Variants in SAMTOR observed in about 807,000 individuals in gnomAD.
The protein encoded by SAMTOR is UPF0532 protein C7orf60.
At chr7:112,844,275 A>G in the SAMTOR span, among the ~76,000 whole-genome samples, 1 of 152,120 alleles carries the variant, frequency 6.6e-6, no homozygotes, top group South Asian at 2.1e-4. Flanking sequence ...TCCTGTCCAG[A>G]GCAATCGGAT....
At chr7:112,825,259 T>TC in the SAMTOR span, among the ~76,000 whole-genome samples, 1 of 152,036 alleles carries the variant, frequency 6.6e-6, no homozygotes, top group Non-Finnish European at 1.5e-5. Context: ...ACTTTTGGAC[T>TC]CCAACAATCC....
chr7:112,881,283 C>T, the SAMTOR span, among the ~76,000 whole-genome samples: 22 of 152,336 alleles, frequency 1.4e-4, no homozygotes, highest in South Asian at 4.1e-4. Context: ...GGTGCAGGCA[C>T]CCCTTGGCAT....
the SAMTOR span, among the ~76,000 whole-genome samples, chr7:112,860,814 G>C: frequency 6.6e-6 from 1 of 151,068 alleles, no homozygotes; most frequent in African/African-American, 2.4e-5. Flanking sequence ...CGGGAGGCTG[G>C]GACAGGAGAA....
the SAMTOR span, among the ~76,000 whole-genome samples, chr7:112,839,224 G>C: frequency 4.7e-4 from 72 of 151,878 alleles, no homozygotes; most frequent in African/African-American, 1.6e-3. Flanking sequence ...ACCATCATAA[G>C]AATGAACTTT....
chr7:112,906,985 A>C, the SAMTOR span, among the ~76,000 whole-genome samples: 1 of 152,244 alleles, frequency 6.6e-6, no homozygotes, highest in South Asian at 2.1e-4. Flanking sequence ...TAGTTGGACC[A>C]GTTGATCCTA....
At chr7:112,838,135 A>AC in the SAMTOR span, among the ~76,000 whole-genome samples, 1 of 151,930 alleles carries the variant, frequency 6.6e-6, no homozygotes, top group Non-Finnish European at 1.5e-5. Flanking sequence ...GGCATAGCTC[A>AC]CCTTGTTGGA....
At chr7:112,830,349 C>T in the SAMTOR span, among the ~76,000 whole-genome samples, 2 of 151,942 alleles carry the variant, frequency 1.3e-5, no homozygotes, top group East Asian at 3.9e-4. Context: ...AGTCCCTTTA[C>T]TCTGTTTTAA....
chr7:112,919,193 T>G, the SAMTOR span, among the ~76,000 whole-genome samples: 3 of 152,146 alleles, frequency 2.0e-5, no homozygotes, highest in African/African-American at 7.2e-5. Context: ...ACCACATACT[T>G]GGAAGTAAAG....
the SAMTOR span, among the ~76,000 whole-genome samples, chr7:112,912,272 A>C: frequency 2.0e-5 from 3 of 151,958 alleles, no homozygotes; most frequent in Non-Finnish European, 4.4e-5. Flanking sequence ...TATAGTATAT[A>C]TTTCTCTGTA....
the SAMTOR span, among the ~76,000 whole-genome samples, chr7:112,845,077 T>A: frequency 6.6e-6 from 1 of 152,100 alleles, no homozygotes; most frequent in East Asian, 1.9e-4. Flanking sequence ...TGACACCATA[T>A]ACAAAAATCA....
At chr7:112,922,210 G>A in the SAMTOR span, among the ~76,000 whole-genome samples, 31 of 152,174 alleles carry the variant, frequency 2.0e-4, no homozygotes, top group Non-Finnish European at 3.8e-4. Context: ...CGTCAGCCTC[G>A]GCCTCCCGAG....
the SAMTOR span, among the ~76,000 whole-genome samples, chr7:112,871,332 C>T: frequency 1.3e-5 from 2 of 152,088 alleles, no homozygotes; most frequent in African/African-American, 2.4e-5. Flanking sequence ...TCTCATATCA[C>T]AGAGGAATAA....
At chr7:112,876,134 T>C in the SAMTOR span, among the ~76,000 whole-genome samples, 1 of 152,050 alleles carries the variant, frequency 6.6e-6, no homozygotes, top group Non-Finnish European at 1.5e-5. Flanking sequence ...CTATTTTTTG[T>C]ATCTTTTTTA....
At chr7:112,826,658 G>C in the SAMTOR span, among the ~76,000 whole-genome samples, 9 of 150,496 alleles carry the variant, frequency 6.0e-5, no homozygotes, top group East Asian at 1.2e-3. Flanking sequence ...ATTTCCTTTT[G>C]GATTTACTGC....
the SAMTOR span, among the ~76,000 whole-genome samples, chr7:112,826,217 T>C: frequency 6.6e-6 from 1 of 152,196 alleles, no homozygotes; most frequent in African/African-American, 2.4e-5. Context: ...ATTTCAATTT[T>C]ATGGAAGAGA....
the SAMTOR span, among the ~76,000 whole-genome samples, chr7:112,906,035 A>G: frequency 6.6e-6 from 1 of 152,350 alleles, no homozygotes; most frequent in Non-Finnish European, 1.5e-5. Flanking sequence ...GGTAGGATGT[A>G]AAACATTAAA....
chr7:112,877,831 A>G, the SAMTOR span, among the ~76,000 whole-genome samples: 1 of 150,578 alleles, frequency 6.6e-6, no homozygotes, highest in Non-Finnish European at 1.5e-5. Flanking sequence ...AAGTCCCCCA[A>G]ACTTGCTCCT....
the SAMTOR span, among the ~76,000 whole-genome samples, chr7:112,924,181 C>T: frequency 6.6e-6 from 1 of 151,384 alleles, no homozygotes; most frequent in South Asian, 2.1e-4. Flanking sequence ...TACCCTAAAA[C>T]TTAAAGTATA....
chr7:112,908,441 C>T, the SAMTOR span, among the ~76,000 whole-genome samples: 1 of 152,168 alleles, frequency 6.6e-6, no homozygotes, highest in Non-Finnish European at 1.5e-5. Context: ...ACCTTGCCCA[C>T]TCACCTTGCA....
Sources: gnomAD v4.1 joint callset for allele counts (sites outside exome capture counted in the v4.1 genomes callset) on GRCh38, gnomAD v4.1.1 for gene constraint, MANE v1.5 for transcripts, NCBI Gene and HGNC (gene_info 2026-07-23, HGNC 2026-07-21) for gene names.